Variants in IQCB1 observed in about 807,000 individuals in gnomAD.
The protein encoded by IQCB1 is IQ calmodulin-binding motif-containing protein 1.
A neutral mutation model predicts 84.4 loss-of-function variants in IQCB1; 56 were observed. The observed-to-expected ratio is 0.66, with a 90% confidence interval of 0.54 to 0.83. The LOEUF (loss-of-function observed/expected upper bound fraction) is 0.83, where lower values mean the gene tolerates loss of function less well. Ranked by LOEUF, IQCB1 falls within the 40% of genes least tolerant of loss-of-function variation. IQCB1 has a pLI of 0.00. For missense variants in IQCB1, 629 were observed against 682.1 expected, an observed-to-expected ratio of 0.92 and a Z score of 0.87; for synonymous variants, 210 against 234.8, an observed-to-expected ratio of 0.89 and a Z score of 0.96.
In IQCB1 at chr3:121,817,799, T is replaced by C. The variant is rs1380168005; in HGVS notation, c.393+8252A>G. 3.3e-5 allele frequency among the ~76,000 whole-genome samples: 5 copies of C among 150,506 alleles called. No homozygotes were observed. In the East Asian group the frequency reaches 9.9e-4, roughly 30 times the overall value. On this transcript the variant is annotated intron_variant, in intron 5 of 14. Coordinates refer to ENST00000310864, the MANE Select transcript of IQCB1 (RefSeq NM_001023570.4). ...TTTGGAGGTGTAGATTGGGTCATGA[T>C]GGTGGTGTCCTCAGGATGGGATTAG...
At chr3:121,772,785 G>GT in intron 13 of IQCB1, 72 bp from the exon 14 acceptor site, 1 of 1,348,324 alleles carries the variant, frequency 7.4e-7, no homozygotes, top group Non-Finnish European at 1.1e-6. Context: ...ACTTAGCAGA[G>GT]GTTTTAGACT....
At chr3:121,808,506 ACT>A (rs1949694060) in intron 6 of IQCB1, among the ~76,000 whole-genome samples, 3 of 151,814 alleles carry the variant, frequency 2.0e-5, no homozygotes, top group Non-Finnish European at 4.4e-5. Flanking sequence ...ATAAAAGCTT[ACT>A]CTTACTTGGA....
intron 10 of IQCB1, among the ~76,000 whole-genome samples, chr3:121,790,807 A>C (rs1357160633): frequency 1.3e-5 from 2 of 152,198 alleles, no homozygotes; most frequent in South Asian, 4.1e-4. Context: ...AAAAACATTA[A>C]AATTTCAAGT....
At position 121,771,301 on chromosome 3, in the gene IQCB1, T is replaced by C. The variant is rs557941041; in HGVS notation, c.1568-727A>G. Among the ~76,000 whole-genome samples the C allele has an allele frequency of 2.0e-5, 3 of 152,088 alleles. No homozygotes were observed. The South Asian group carries it at 6.2e-4, about 32-fold the overall frequency. Reference sequence around the variant, plus strand: ...CTGTGTTTAAAGGAATTTAAAAAGATGTAGATTTTTGTAAGATGGCTTATT... The same window carrying C: ...CTGTGTTTAAAGGAATTTAAAAAGACGTAGATTTTTGTAAGATGGCTTATT... On this transcript the variant is annotated intron_variant, in intron 14 of 14. Coordinates refer to ENST00000310864, the MANE Select transcript of IQCB1 (RefSeq NM_001023570.4).
chr3:121,795,143 A>C (rs1338263631), intron 10 of IQCB1, among the ~76,000 whole-genome samples: 1 of 152,066 alleles, frequency 6.6e-6, no homozygotes, highest in Non-Finnish European at 1.5e-5. Flanking sequence ...ATACACACGA[A>C]ATTATGATAA....
chr3:121,787,244 C>T (rs754010728), intron 12 of IQCB1, among the ~76,000 whole-genome samples: 1 of 146,248 alleles, frequency 6.8e-6, no homozygotes, highest in Non-Finnish European at 1.5e-5. Flanking sequence ...AAATCTGTCA[C>T]AGTAGAAAAC....
At chr3:121,822,341 C>CAGTG (rs1465470585) in intron 5 of IQCB1, among the ~76,000 whole-genome samples, 1 of 152,114 alleles carries the variant, frequency 6.6e-6, no homozygotes, top group Non-Finnish European at 1.5e-5. Flanking sequence ...TGGCTTTTCC[C>CAGTG]AGTGTGTGTT....
chr3:121,788,504 G>T, intron 11 of IQCB1, 72 bp from the exon 12 acceptor site: 3 of 1,320,872 alleles, frequency 2.3e-6, no homozygotes, highest in Admixed American at 3.4e-5. Flanking sequence ...TCAGGACAAT[G>T]ATAATAATAA....
intron 13 of IQCB1, among the ~76,000 whole-genome samples, chr3:121,779,146 A>G (rs143427118): frequency 0.01 from 1,551 of 151,970 alleles, 19 homozygotes; most frequent in African/African-American, 0.035. Flanking sequence ...TTTGATTATG[A>G]TATTCCTTGG....
Position 121,781,789 on chromosome 3 carries a change from C to T in IQCB1, c.1364G>A (p.Arg455Gln), listed in dbSNP as rs766072332. The change falls in exon 13 of 15, where the codon CGA (arginine) becomes CAA (glutamine). Residue 455 changes from arginine (R) to glutamine (Q), a missense_variant. Coordinates refer to ENST00000310864, the MANE Select transcript of IQCB1 (RefSeq NM_001023570.4). ...RGLQELTDAR[R>Q]VELKKRVDDY... ...ATCCACTCGTTTCTTCAGTTCAACT[C>T]GGCGTGCATCAGTGAGTTCTTGGAG... 52 of 1,613,664 alleles carry T rather than the reference C, an allele frequency of 3.2e-5. No homozygotes were observed. In the East Asian group the frequency reaches 4.7e-4, roughly 15 times the overall value.
intron 6 of IQCB1, among the ~76,000 whole-genome samples, chr3:121,807,693 T>C (rs1949658983): frequency 6.6e-6 from 1 of 151,982 alleles, no homozygotes. Flanking sequence ...AATCTATTGT[T>C]ATCTCTTTAA....
At chr3:121,795,312 T>C in intron 10 of IQCB1, 145 bp downstream of exon 10, 1 of 681,012 alleles carries the variant, frequency 1.5e-6, no homozygotes, top group East Asian at 2.7e-5. Context: ...GTTACTGGAG[T>C]GTTGGTACCC....
chr3:121,772,744 A>G (rs1287404749), intron 13 of IQCB1, 31 bp from the exon 14 acceptor site: 2 of 1,612,546 alleles, frequency 1.2e-6, no homozygotes, highest in Non-Finnish European at 1.7e-6. Context: ...AACCTGTCAC[A>G]GAGAGGACAT....
intron 7 of IQCB1, among the ~76,000 whole-genome samples, chr3:121,803,011 C>T (rs1949468673): frequency 6.6e-6 from 1 of 152,088 alleles, no homozygotes; most frequent in Non-Finnish European, 1.5e-5. Context: ...TTAATTCCAT[C>T]GAGGCCAGAG....
At chr3:121,813,990 G>A (rs1031699328) in intron 5 of IQCB1, among the ~76,000 whole-genome samples, 7 of 151,984 alleles carry the variant, frequency 4.6e-5, no homozygotes, top group Admixed American at 1.3e-4. Flanking sequence ...GCACCACATC[G>A]CACTTATTCT....
chr3:121,779,021 T>A (rs1948365884), intron 13 of IQCB1, among the ~76,000 whole-genome samples: 1 of 152,116 alleles, frequency 6.6e-6, no homozygotes, highest in Admixed American at 6.5e-5. Context: ...TATACATATG[T>A]AACAAACATG....
rs768494533 is a variant in IQCB1, at chr3:121,772,573, G to A, written c.1551C>T (p.Asn517=). The change falls in exon 14 of 15, where the codon AAC becomes AAT. Residue 517 remains asparagine, a synonymous_variant. Transcript: ENST00000310864. ...AGCACATACTCATTAGCTGTTCAAC[G>A]TTGGTGCTGATCTGTGCTATCAGAG... ...REALIAQIST[N]VEQLMKAPSL... 50 of 1,614,200 alleles carry A rather than the reference G, an allele frequency of 3.1e-5. 1 individual carries two copies. The South Asian group carries it at 4.8e-4, about 16-fold the overall frequency.
intron 13 of IQCB1, among the ~76,000 whole-genome samples, chr3:121,781,211 G>A (rs939094651): frequency 1.3e-5 from 2 of 152,158 alleles, no homozygotes; most frequent in African/African-American, 2.4e-5. Context: ...ATTCAGGTGG[G>A]AGAAGAGAAT....
intron 9 of IQCB1, 98 bp from the exon 10 acceptor site, chr3:121,795,664 T>C: frequency 1.4e-6 from 1 of 732,244 alleles, no homozygotes; most frequent in Non-Finnish European, 2.5e-6. Context: ...CAAATATTAA[T>C]CTCTAGCTCT....
Sources: allele counts gnomAD v4.1 joint callset (sites outside exome capture counted in the v4.1 genomes callset), GRCh38; gene constraint gnomAD v4.1.1; transcripts MANE v1.5; gene names NCBI Gene and HGNC (gene_info 2026-07-23, HGNC 2026-07-21).